LYPD6: variants seen among roughly 807,000 people sequenced by gnomAD.
LYPD6 encodes ly6/PLAUR domain-containing protein 6.
LYPD6 carries 15 observed loss-of-function variants against 22.7 expected under a neutral mutation model. The ratio of observed to expected loss-of-function variants is 0.66; its 90% CI spans 0.44 to 1.02. The LOEUF (loss-of-function observed/expected upper bound fraction) is 1.02. LYPD6 is among the 50% of genes least tolerant of loss of function. The probability of loss-of-function intolerance (pLI) is 0.00; values close to 1 mark genes in which losing one functional copy is unlikely to be tolerated. For synonymous variants in LYPD6, 72 were observed against 77.5 expected (o/e 0.93, Z 0.37); for missense variants, 189 against 208.4 (o/e 0.91, Z 0.57).
At chr2:149,475,393 G>C (rs918246705), downstream of LYPD6, among the ~76,000 whole-genome samples, 1 of 152,046 alleles carries the variant, frequency 6.6e-6, no homozygotes, top group South Asian at 2.1e-4. Context: ...TCACCTTGGG[G>C]CACTCTTCAC....
intron 1 of LYPD6, among the ~76,000 whole-genome samples, chr2:149,407,622 T>C (rs1682749623): frequency 6.6e-6 from 1 of 152,200 alleles, no homozygotes; most frequent in East Asian, 1.9e-4. Flanking sequence ...GTTATTCTAG[T>C]TATACATTCG....
intron 1 of LYPD6, among the ~76,000 whole-genome samples, chr2:149,409,176 C>T (rs1280115356): frequency 6.6e-6 from 1 of 152,116 alleles, no homozygotes; most frequent in African/African-American, 2.4e-5. Flanking sequence ...TGTTTTTTCT[C>T]TTCTTGGTCT....
chr2:149,421,330 C>G (rs1439574808), intron 1 of LYPD6, among the ~76,000 whole-genome samples: 1 of 141,428 alleles, frequency 7.1e-6, no homozygotes, highest in Non-Finnish European at 1.5e-5. Flanking sequence ...ACAGAAGTTG[C>G]AGTGAGCTGA....
intron 3 of LYPD6, among the ~76,000 whole-genome samples, chr2:149,459,891 G>A (rs1450215776): frequency 8.2e-6 from 1 of 122,068 alleles, no homozygotes; most frequent in Non-Finnish European, 1.7e-5. Flanking sequence ...GACAGAGTAA[G>A]ACTTTGTCTC....
downstream of LYPD6, among the ~76,000 whole-genome samples, chr2:149,474,994 C>T (rs1681426916): frequency 6.6e-6 from 1 of 152,132 alleles, no homozygotes; most frequent in South Asian, 2.1e-4. Flanking sequence ...GTCTCAATCT[C>T]CTGACCTCAC....
intron 1 of LYPD6, among the ~76,000 whole-genome samples, chr2:149,409,531 C>CT (rs1682807372): frequency 6.6e-6 from 1 of 152,066 alleles, no homozygotes; most frequent in Non-Finnish European, 1.5e-5. Flanking sequence ...TGGCCTTTGT[C>CT]TTTGGTTACC....
At chr2:149,465,742 A>T (rs954730821) in intron 3 of LYPD6, among the ~76,000 whole-genome samples, 3 of 152,126 alleles carry the variant, frequency 2.0e-5, no homozygotes, top group South Asian at 4.1e-4. Flanking sequence ...GAGATTATGA[A>T]CTCTGTGTGC....
chr2:149,398,242 T>C (rs1682469124), intron 1 of LYPD6, among the ~76,000 whole-genome samples: 1 of 152,206 alleles, frequency 6.6e-6, no homozygotes, highest in Non-Finnish European at 1.5e-5. Context: ...TTCTCTTTTA[T>C]TTCTTCAGTT....
At chr2:149,335,686 A>C (rs1681022199) in intron 1 of LYPD6, among the ~76,000 whole-genome samples, 1 of 152,192 alleles carries the variant, frequency 6.6e-6, no homozygotes, top group Non-Finnish European at 1.5e-5. Flanking sequence ...CACCCAGAGC[A>C]ACTTACAGTC....
rs77228032 is a variant in LYPD6, at chr2:149,384,251, G to C, written c.-71-53387G>C. Among the ~76,000 whole-genome samples the C allele has an allele frequency of 3.6e-3, 546 of 152,328 alleles. 6 individuals are homozygous for C. Among genetic ancestry groups the C allele is most frequent in the African/African-American group, 0.013 (528 of 41,558 alleles). On this transcript the variant is annotated intron_variant, in intron 1 of 4. Coordinates refer to ENST00000334166, the MANE Select transcript of LYPD6 (RefSeq NM_194317.5). ...ATTAGCAAAATATATATAGGGTTCAGTCGTATGCATTGAGGCAGCAGACAT... is the reference window on the plus strand; with the variant it reads ...ATTAGCAAAATATATATAGGGTTCACTCGTATGCATTGAGGCAGCAGACAT...
intron 1 of LYPD6, among the ~76,000 whole-genome samples, chr2:149,332,666 C>A (rs1277428964): frequency 6.6e-6 from 1 of 152,190 alleles, no homozygotes; most frequent in African/African-American, 2.4e-5. Flanking sequence ...TTCCTTCCTT[C>A]CTTTTTGGTG....
intron 1 of LYPD6, among the ~76,000 whole-genome samples, chr2:149,362,773 C>T (rs941971503): frequency 6.6e-6 from 1 of 152,076 alleles, no homozygotes; most frequent in African/African-American, 2.4e-5. Context: ...ATAAATAACC[C>T]ACTCCCAAGA....
intron 1 of LYPD6, among the ~76,000 whole-genome samples, chr2:149,421,887 A>G (rs1280930898): frequency 6.6e-6 from 1 of 152,022 alleles, no homozygotes; most frequent in Non-Finnish European, 1.5e-5. Context: ...TCTGCCCCAG[A>G]CCTTCCCTAA....
intron 1 of LYPD6, among the ~76,000 whole-genome samples, chr2:149,402,105 G>A (rs56351138): frequency 0.27 from 40,287 of 151,382 alleles, 6,158 homozygotes; most frequent in African/African-American, 0.42. Context: ...AAACCTGCAC[G>A]TTCTGCACGT....
intron 1 of LYPD6, among the ~76,000 whole-genome samples, chr2:149,340,899 T>C (rs1167427248): frequency 6.6e-6 from 1 of 152,184 alleles, no homozygotes; most frequent in Non-Finnish European, 1.5e-5. Context: ...TTTCTTGCTA[T>C]GTAGATCTTC....
chr2:149,378,275 G>T (rs957017706), intron 1 of LYPD6, among the ~76,000 whole-genome samples: 1 of 151,968 alleles, frequency 6.6e-6, no homozygotes, highest in South Asian at 2.1e-4. Context: ...CTGCCACCAC[G>T]CCCAGCTAAT....
chr2:149,458,863 CAG>C (rs1681025737), intron 3 of LYPD6, among the ~76,000 whole-genome samples: 1 of 152,036 alleles, frequency 6.6e-6, no homozygotes, highest in South Asian at 2.1e-4. Flanking sequence ...ATTTGGAAAA[CAG>C]AGCAATAAAA....
chr2:149,484,160 G>A, the LYPD6 span, among the ~76,000 whole-genome samples: 1 of 152,202 alleles, frequency 6.6e-6, no homozygotes. Flanking sequence ...TAAACCTATA[G>A]TACTGTCAAC....
At chr2:149,469,737 A>G in intron 4 of LYPD6, among the ~76,000 whole-genome samples, 1 of 151,490 alleles carries the variant, frequency 6.6e-6, no homozygotes, top group Non-Finnish European at 1.5e-5. Context: ...TGGCCTCTTT[A>G]CCAAGGAGAA....
Sources: gnomAD v4.1 joint callset for allele counts (sites outside exome capture counted in the v4.1 genomes callset) on GRCh38, gnomAD v4.1.1 for gene constraint, MANE v1.5 for transcripts, NCBI Gene and HGNC (gene_info 2026-07-23, HGNC 2026-07-21) for gene names.